Variants in PHACTR1 observed in about 807,000 individuals in gnomAD.
PHACTR1 encodes the protein RPEL repeat containing 1.
In PHACTR1, 16 loss-of-function variants were observed where a neutral mutation model predicts 69.2. That is an observed-to-expected ratio of 0.23 (90% confidence interval 0.16 to 0.35). PHACTR1 has a LOEUF of 0.35. PHACTR1 is among the 10% of genes least tolerant of loss of function. PHACTR1 has a pLI of 1.00. For synonymous variants in PHACTR1, 312 were observed against 284.5 expected, an observed-to-expected ratio of 1.10 and a Z score of -0.97; for missense variants, 510 against 734.7, an observed-to-expected ratio of 0.69 and a Z score of 3.54.
intron 4 of PHACTR1, among the ~76,000 whole-genome samples, chr6:12,944,616 A>G (rs1790408234): frequency 6.6e-6 from 1 of 152,160 alleles, no homozygotes; most frequent in African/African-American, 2.4e-5. Flanking sequence ...TCCCCCTAAA[A>G]TAATTGTTTG....
intron 7 of PHACTR1, among the ~76,000 whole-genome samples, chr6:13,195,771 A>AAAAAAAAAAG (rs1764301551): frequency 6.7e-6 from 1 of 148,470 alleles, no homozygotes; most frequent in Non-Finnish European, 1.5e-5. Context: ...AAAAAAAAAA[A>AAAAAAAAAAG]AAAAAAAAAG....
intron 4 of PHACTR1, among the ~76,000 whole-genome samples, chr6:13,005,324 C>A (rs1190558169): frequency 6.6e-6 from 1 of 151,622 alleles, no homozygotes; most frequent in Non-Finnish European, 1.5e-5. Context: ...ATATATGTCT[C>A]TATATATATA....
intron 4 of PHACTR1, among the ~76,000 whole-genome samples, chr6:12,760,067 G>A (rs1767856865): frequency 6.6e-6 from 1 of 152,252 alleles, no homozygotes; most frequent in Non-Finnish European, 1.5e-5. Flanking sequence ...GACACATAGT[G>A]AGTGTTTGTT....
At chr6:12,767,709 T>C (rs1768813792) in intron 4 of PHACTR1, among the ~76,000 whole-genome samples, 1 of 152,186 alleles carries the variant, frequency 6.6e-6, no homozygotes. Flanking sequence ...CCTCTTGGTG[T>C]GTTTTAAAGC....
intron 4 of PHACTR1, among the ~76,000 whole-genome samples, chr6:12,946,897 C>G (rs1304005941): frequency 6.7e-6 from 1 of 148,162 alleles, no homozygotes; most frequent in South Asian, 2.1e-4. Flanking sequence ...ACTGCAACCT[C>G]CACCTCCCCG....
intron 5 of PHACTR1, among the ~76,000 whole-genome samples, chr6:13,073,082 C>T (rs1269860419): frequency 6.6e-6 from 1 of 152,024 alleles, no homozygotes; most frequent in African/African-American, 2.4e-5. Flanking sequence ...ACCGTAGTCC[C>T]ACATTTTCCC....
At chr6:12,767,226 A>C (rs1768745793) in intron 4 of PHACTR1, among the ~76,000 whole-genome samples, 1 of 152,202 alleles carries the variant, frequency 6.6e-6, no homozygotes, top group Non-Finnish European at 1.5e-5. Flanking sequence ...GAGTCATTTG[A>C]AGTGCCCCCA....
chr6:13,229,970 AG>A, intron 9 of PHACTR1, 66 bp from the exon 10 acceptor site: 1 of 1,479,720 alleles, frequency 6.8e-7, no homozygotes, highest in Non-Finnish European at 9.0e-7. Context: ...CTTATGACCC[AG>A]GGTTGGCCCT....
At chr6:13,071,451 C>A (rs188214057) in intron 5 of PHACTR1, among the ~76,000 whole-genome samples, 112 of 152,062 alleles carry the variant, frequency 7.4e-4, no homozygotes, top group African/African-American at 2.6e-3. Context: ...AGTTGTACAC[C>A]AAGAACCCAC....
chr6:13,272,544 G>C (rs2127449380), intron 10 of PHACTR1: 1 of 529,902 alleles, frequency 1.9e-6, no homozygotes, highest in Non-Finnish European at 3.1e-6. Flanking sequence ...GAAAGAAAAG[G>C]ACTTCTGTGA....
At chr6:12,986,291 C>T (rs1468264495) in intron 4 of PHACTR1, among the ~76,000 whole-genome samples, 1 of 152,168 alleles carries the variant, frequency 6.6e-6, no homozygotes, top group Non-Finnish European at 1.5e-5. Context: ...GCATGGGCAT[C>T]CCAGGACCTT....
intron 10 of PHACTR1, among the ~76,000 whole-genome samples, chr6:13,268,125 G>T (rs1301820457): frequency 6.6e-6 from 1 of 152,148 alleles, no homozygotes; most frequent in Admixed American, 6.6e-5. Context: ...AAATTAGCTG[G>T]GCGTGGTGGC....
At chr6:12,820,700 A>G (rs1353340710) in intron 4 of PHACTR1, among the ~76,000 whole-genome samples, 1 of 152,106 alleles carries the variant, frequency 6.6e-6, no homozygotes, top group Non-Finnish European at 1.5e-5. Flanking sequence ...GAGAAAACAG[A>G]AATTAATTGG....
intron 4 of PHACTR1, chr6:12,957,428 TTC>T: frequency 1.0e-6 from 1 of 985,308 alleles, no homozygotes; most frequent in Non-Finnish European, 1.2e-6. Flanking sequence ...CCGGGTTACT[TTC>T]TGTTTCATTT....
chr6:13,108,379 C>T (rs1447821607), intron 5 of PHACTR1, among the ~76,000 whole-genome samples: 2 of 151,966 alleles, frequency 1.3e-5, no homozygotes, highest in Non-Finnish European at 2.9e-5. Flanking sequence ...TGATAAATGA[C>T]AATTAGATCA....
At chr6:13,051,817 C>G (rs1805998446) in intron 4 of PHACTR1, among the ~76,000 whole-genome samples, 2 of 152,166 alleles carry the variant, frequency 1.3e-5, no homozygotes, top group African/African-American at 4.8e-5. Context: ...ACTCTGTGCT[C>G]AAGGCCAGTT....
At chr6:12,973,125 T>A (rs1456203549) in intron 4 of PHACTR1, among the ~76,000 whole-genome samples, 3 of 152,160 alleles carry the variant, frequency 2.0e-5, no homozygotes, top group African/African-American at 7.2e-5. Flanking sequence ...TTCTGCCATG[T>A]AAGGTACCAT....
chr6:12,971,582 A>G (rs1381617198), intron 4 of PHACTR1, among the ~76,000 whole-genome samples: 1 of 152,238 alleles, frequency 6.6e-6, no homozygotes, highest in African/African-American at 2.4e-5. Context: ...GGGACAGAAC[A>G]TGGATGAGTA....
chr6:12,907,473 T>G (rs748710521), intron 4 of PHACTR1, among the ~76,000 whole-genome samples: 1 of 152,236 alleles, frequency 6.6e-6, no homozygotes, highest in Non-Finnish European at 1.5e-5. Context: ...TCATTTCCAC[T>G]CAAGGAGCCT....
Sources: allele counts gnomAD v4.1 joint callset (sites outside exome capture counted in the v4.1 genomes callset), GRCh38; gene constraint gnomAD v4.1.1; transcripts MANE v1.5; gene names NCBI Gene and HGNC (gene_info 2026-07-23, HGNC 2026-07-21).